The following LAMA2 variants were observed in gnomAD, a reference collection of about 807,000 sequenced individuals.
LAMA2 encodes the protein laminin subunit alpha 2.
In LAMA2, 269 loss-of-function variants were observed where a neutral mutation model predicts 364.8. The ratio of observed to expected loss-of-function variants is 0.74; its 90% CI spans 0.67 to 0.82. LAMA2 has a LOEUF of 0.82. LAMA2 is among the 40% of genes least tolerant of loss of function. LAMA2 has a pLI of 0.00. For missense variants in LAMA2, 3,807 were observed against 3,873.2 expected (o/e 0.98, Z 0.45); for synonymous variants, 1,379 against 1,370.6 (o/e 1.01, Z -0.14).
At chr6:129,139,157 A>C (rs954700580) in intron 4 of LAMA2, among the ~76,000 whole-genome samples, 7 of 152,112 alleles carry the variant, frequency 4.6e-5, no homozygotes, top group African/African-American at 1.7e-4. Flanking sequence ...ATAAACCAAA[A>C]TGTACCTATT....
chr6:129,297,988 T>C, intron 21 of LAMA2, 123 bp downstream of exon 21: 1 of 831,648 alleles, frequency 1.2e-6, no homozygotes, highest in Non-Finnish European at 2.0e-6. Flanking sequence ...TAATGAGTAA[T>C]GTCTACTTAT....
chr6:129,368,276 G>T (rs1215841243), intron 33 of LAMA2, among the ~76,000 whole-genome samples: 1 of 152,184 alleles, frequency 6.6e-6, no homozygotes, highest in Non-Finnish European at 1.5e-5. Context: ...GAGGACACAG[G>T]GAGAAGGCAG....
At chr6:129,128,024 T>C (rs1204398893) in intron 4 of LAMA2, among the ~76,000 whole-genome samples, 1 of 152,222 alleles carries the variant, frequency 6.6e-6, no homozygotes, top group East Asian at 1.9e-4. Flanking sequence ...TTGTTTGTTT[T>C]TACTTTTGTG....
chr6:128,907,283 C>T (rs1239052159), intron 1 of LAMA2, among the ~76,000 whole-genome samples: 1 of 141,136 alleles, frequency 7.1e-6, no homozygotes, highest in African/African-American at 2.7e-5. Context: ...GAATGTTCTT[C>T]CATTTGTTTG....
chr6:129,420,038 A>T (rs1384576689), intron 40 of LAMA2, among the ~76,000 whole-genome samples: 3 of 152,112 alleles, frequency 2.0e-5, no homozygotes, highest in Non-Finnish European at 4.4e-5. Context: ...AGAAAATAGG[A>T]AATACAGAAA....
At chr6:129,196,131 G>C (rs1781835491) in intron 12 of LAMA2, among the ~76,000 whole-genome samples, 1 of 152,140 alleles carries the variant, frequency 6.6e-6, no homozygotes. Context: ...TCTGTTTCTA[G>C]CTTAGAGAAG....
chr6:128,885,526 T>C (rs1316976223), intron 1 of LAMA2, among the ~76,000 whole-genome samples: 1 of 152,224 alleles, frequency 6.6e-6, no homozygotes, highest in African/African-American at 2.4e-5. Context: ...TTCTTTTTAG[T>C]GTTGTTCCAT....
intron 1 of LAMA2, among the ~76,000 whole-genome samples, chr6:128,983,650 C>T (rs1783030974): frequency 6.6e-6 from 1 of 152,156 alleles, no homozygotes; most frequent in Non-Finnish European, 1.5e-5. Flanking sequence ...ATTTTGTCTT[C>T]TAGTGATAGA....
At chr6:129,245,245 G>T (rs949760219) in intron 12 of LAMA2, among the ~76,000 whole-genome samples, 9 of 152,116 alleles carry the variant, frequency 5.9e-5, no homozygotes, top group Non-Finnish European at 1.2e-4. Context: ...ATTGAAAAGA[G>T]ATATAATTTT....
In LAMA2 at chr6:129,479,851, C is replaced by T. The variant is rs149176926; in HGVS notation, c.7572+1038C>T. The T allele has an allele frequency of 3.3e-5, 5 of 152,210 alleles. No homozygotes were observed. The South Asian group carries it at 8.3e-4, about 25-fold the overall frequency. The allele number at this position is 152,210 out of a possible 1,614,324, so 9.4% of individuals were successfully genotyped here. ...CCAATTTGGAATTGGCCATAGACAC[C>T]CACTCTGAGAAGTTTGGGAATAAGA... On this transcript the variant is annotated intron_variant, in intron 54 of 64. Transcript: ENST00000421865.
chr6:129,198,009 G>A (rs991399044), intron 12 of LAMA2, among the ~76,000 whole-genome samples: 11 of 151,612 alleles, frequency 7.3e-5, no homozygotes, highest in Non-Finnish European at 1.3e-4. Context: ...TTTATAATTC[G>A]TCAACTGAAT....
chr6:129,389,823 G>A (rs1302140575), intron 35 of LAMA2, among the ~76,000 whole-genome samples: 1 of 152,112 alleles, frequency 6.6e-6, no homozygotes, highest in Non-Finnish European at 1.5e-5. Context: ...AGCAAGGGGG[G>A]AGGTTTGCTC....
intron 12 of LAMA2, among the ~76,000 whole-genome samples, chr6:129,249,238 G>A (rs1345913346): frequency 1.3e-5 from 2 of 152,074 alleles, no homozygotes; most frequent in African/African-American, 4.8e-5. Context: ...GCAAGCAGCA[G>A]AATACAGATC....
intron 1 of LAMA2, among the ~76,000 whole-genome samples, chr6:128,884,005 A>T (rs150676897): frequency 6.6e-6 from 1 of 152,080 alleles, no homozygotes; most frequent in Non-Finnish European, 1.5e-5. Context: ...AAATCGTGAA[A>T]TTTCTCCTTT....
rs1562873034 is a variant in LAMA2 at position 128,961,344 on chromosome 6, T to TG, written c.112+77987_112+77988insG. Among the ~76,000 whole-genome samples, 14 of 83,848 alleles carry TG rather than the reference T, an allele frequency of 1.7e-4. 3 individuals are homozygous for TG. Among genetic ancestry groups the TG allele is most frequent in the Non-Finnish European group, 3.2e-4 (13 of 40,550 alleles). 55.0% of individuals were successfully genotyped at this position (83,848 alleles called of 152,430 possible). A position where few individuals can be genotyped will look rare whatever the true frequency, so the allele number is the denominator to read the frequency against. Reference sequence around the variant, plus strand: ...ATATATATATATATATATATATATATATATATATATATATATATATATATT... The same window carrying TG: ...ATATATATATATATATATATATATATGATATATATATATATATATATATATT... On this transcript the variant is annotated intron_variant, in intron 1 of 64. Transcript: ENST00000421865.
At chr6:129,262,873 A>C (rs1562391543) in intron 15 of LAMA2, among the ~76,000 whole-genome samples, 3 of 152,298 alleles carry the variant, frequency 2.0e-5, no homozygotes, top group South Asian at 2.1e-4. Context: ...TGGCCAAAAA[A>C]GGATCAAATG....
intron 35 of LAMA2, among the ~76,000 whole-genome samples, chr6:129,387,617 C>T (rs1290668357): frequency 6.6e-6 from 1 of 152,102 alleles, no homozygotes; most frequent in Non-Finnish European, 1.5e-5. Flanking sequence ...ATGTTTATTG[C>T]AACACTATTT....
intron 9 of LAMA2, among the ~76,000 whole-genome samples, chr6:129,169,654 T>A (rs936335750): frequency 2.7e-5 from 4 of 146,688 alleles, no homozygotes; most frequent in African/African-American, 1.0e-4. Context: ...CTGGCTTTGG[T>A]ATCAGAATGA....
At chr6:129,347,866 T>C (rs1235138767) in intron 30 of LAMA2, among the ~76,000 whole-genome samples, 2 of 152,252 alleles carry the variant, frequency 1.3e-5, no homozygotes, top group African/African-American at 2.4e-5. Flanking sequence ...TTGTATCAAC[T>C]ATTCAAGAAT....
Sources: gnomAD v4.1 joint callset for allele counts (sites outside exome capture counted in the v4.1 genomes callset) on GRCh38, gnomAD v4.1.1 for gene constraint, MANE v1.5 for transcripts, NCBI Gene and HGNC (gene_info 2026-07-23, HGNC 2026-07-21) for gene names.